ZNF697: variants seen among roughly 807,000 people sequenced by gnomAD.
ZNF697 encodes zinc finger protein 697.
ZNF697 carries 23 observed loss-of-function variants against 32.4 expected under a neutral mutation model. The observed-to-expected ratio is 0.71, with a 90% CI of 0.51 to 1.01. The LOEUF (loss-of-function observed/expected upper bound fraction) is 1.01, where lower values mean the gene tolerates loss of function less well. Among genes scored for constraint, ZNF697 ranks in the 50% least tolerant of loss-of-function variants. ZNF697 has a pLI of 0.00. For missense variants in ZNF697, 930 were observed against 794.0 expected (o/e 1.17, Z -2.06); for synonymous variants, 418 against 337.2 (o/e 1.24, Z -2.62).
At chr1:119,642,299 T>A (rs1020369629) in intron 1 of ZNF697, among the ~76,000 whole-genome samples, 2 of 152,212 alleles carry the variant, frequency 1.3e-5, no homozygotes, top group Non-Finnish European at 2.9e-5. Context: ...TAGATACCCG[T>A]CATTATACAT....
Position 119,648,017 on chromosome 1 carries a change from C to G in ZNF697, c.-364G>C, listed in dbSNP as rs1292449013. On this transcript the variant is annotated 5_prime_UTR_variant, in exon 1 of 3. Transcript: ENST00000421812. Reference sequence around the variant, plus strand: ...TCCCCGCAGCGGTCGGGTCTGGTCCCGATCAGCCCCATCCCCGGGAGGCGG... The same window carrying G: ...TCCCCGCAGCGGTCGGGTCTGGTCCGGATCAGCCCCATCCCCGGGAGGCGG... 6.6e-6 allele frequency among the ~76,000 whole-genome samples: 1 copy of G among 152,196 alleles called. No individual in the cohort carries two copies. Among genetic ancestry groups the G allele is most frequent in the African/African-American group, 2.4e-5 (1 of 41,452 alleles).
At chr1:119,631,443 T>A (rs898021329) in intron 1 of ZNF697, among the ~76,000 whole-genome samples, 4 of 152,162 alleles carry the variant, frequency 2.6e-5, no homozygotes, top group African/African-American at 9.7e-5. Context: ...GGTGTTCCCC[T>A]CCGCTGGCTC....
At chr1:119,628,633 T>C (rs1045651446) in intron 1 of ZNF697, among the ~76,000 whole-genome samples, 3 of 152,172 alleles carry the variant, frequency 2.0e-5, no homozygotes, top group African/African-American at 7.2e-5. Context: ...CCAGATACCA[T>C]TCATGGCACA....
Position 119,623,413 on chromosome 1 carries a change from C to T in ZNF697, c.930G>A (p.Leu310=), listed in dbSNP as rs2101077707. The change falls in exon 3 of 3, where the codon CTG becomes CTA. Residue 310 remains leucine (L), a synonymous_variant. Coordinates refer to ENST00000421812, the MANE Select transcript of ZNF697 (RefSeq NM_001080470.2). ...ACGGGTAGGGCTTCTCGCCCGTGTG[C>T]AGGCGCCGGTGCTTGAGCAGGTCGG... ...WRADLLKHRR[L]HTGEKPYPCP... The T allele has an allele frequency of 2.6e-6, 4 of 1,526,974 alleles. No individual in the cohort carries two copies. The highest frequency in any genetic ancestry group is 1.4e-5 in the African/African-American group (1 of 69,170). The allele number at this position is 1,526,974 out of a possible 1,614,324, so 94.6% of individuals were successfully genotyped here. A position where few individuals can be genotyped will look rare whatever the true frequency, so the allele number is the denominator to read the frequency against.
chr1:119,623,083 G>A lies in ZNF697; in HGVS notation c.1260C>T (p.Val420=). 1 of 1,583,500 alleles carries A rather than the reference G, an allele frequency of 6.3e-7. No homozygotes were observed. Among genetic ancestry groups the A allele is most frequent in the Non-Finnish European group, 8.6e-7 (1 of 1,165,656 alleles). ...GCTTGTGCGTGAAGAGGTGCGAGCT[G>A]ACGCTGAAGGTCTCGCCGCACTCGG... The part of the protein sequence containing the change: ...MCSECGETFS[V]SSHLFTHKRT... The change falls in exon 3 of 3, where the codon GTC becomes GTT. Residue 420 remains valine (V), a synonymous_variant. Transcript: ENST00000421812.
Position 119,622,917 on chromosome 1 carries a change from C to T in ZNF697, c.1426G>A (p.Asp476Asn). ...RCGQCEKRFS[D>N]FSTLTQHQRT... is the part of the protein sequence containing the mutation. ...TGGTGCTGCGTGAGCGTGGAGAAGTCGCTGAAGCGCTTCTCGCACTGGCCA... is the reference window on the plus strand; with the variant it reads ...TGGTGCTGCGTGAGCGTGGAGAAGTTGCTGAAGCGCTTCTCGCACTGGCCA... Residue 476 changes from aspartate (D) to asparagine (N), a missense_variant, in exon 3 of 3, where the codon GAC becomes AAC. By Grantham distance (23) the Asp-to-Asn change is conservative. Coordinates refer to ENST00000421812, the MANE Select transcript of ZNF697 (RefSeq NM_001080470.2). The T allele has an allele frequency of 6.2e-7, 1 of 1,604,134 alleles. No homozygotes were observed. Among genetic ancestry groups the T allele is most frequent in the Non-Finnish European group, 8.5e-7 (1 of 1,176,048 alleles).
chr1:119,640,514 T>C lies in ZNF697; in HGVS notation c.-38+7177A>G, dbSNP rs184601871. 4.6e-5 allele frequency among the ~76,000 whole-genome samples: 7 copies of C among 152,352 alleles called. No homozygotes were observed. In the East Asian group the frequency reaches 1.3e-3, roughly 29 times the overall value. ...TTCTCAAAAAAGAATTCTACATCTC[T>C]TGGCCCAAATGCCAGCATGCTTTGT... is the stretch of plus-strand genomic sequence containing the variant. On this transcript the variant is annotated intron_variant, in intron 1 of 2. Coordinates refer to ENST00000421812, the MANE Select transcript of ZNF697 (RefSeq NM_001080470.2).
chr1:119,622,405 C>A lies in ZNF697; in HGVS notation c.*300G>T, dbSNP rs1033094218. On this transcript the variant is annotated 3_prime_UTR_variant, in exon 3 of 3. Transcript: ENST00000421812. Reference sequence around the variant, plus strand: ...GTTCCCACCCCAGCCCACGAACTGCCCTTCCTCAAAGTGCCTGGTCCTCCA... The same window carrying A: ...GTTCCCACCCCAGCCCACGAACTGCACTTCCTCAAAGTGCCTGGTCCTCCA... 3.0e-4 allele frequency: 78 copies of A among 259,594 alleles called. No homozygotes were observed. The highest frequency in any genetic ancestry group is 1.6e-3 in the Admixed American group (23 of 14,344). The allele number at this position is 259,594 out of a possible 1,614,324, so 16.1% of individuals were successfully genotyped here.
At chr1:119,632,518 G>T (rs1648807672) in intron 1 of ZNF697, among the ~76,000 whole-genome samples, 1 of 152,202 alleles carries the variant, frequency 6.6e-6, no homozygotes. Flanking sequence ...CAAAACCAAG[G>T]CAACAGAGAA....
At chr1:119,641,909 C>G (rs899049304) in intron 1 of ZNF697, among the ~76,000 whole-genome samples, 3 of 152,166 alleles carry the variant, frequency 2.0e-5, no homozygotes, top group Non-Finnish European at 4.4e-5. Flanking sequence ...TATAAATTAC[C>G]TGTTTTGGGT....
rs1486617774 is a variant in ZNF697 at position 119,648,188 on chromosome 1, CGCTGGCTGGCTGGTTGGCTGGCTGGCTG to C, written c.-563_-536del. ...CGGCTGCAGCGGCCGCTGGGTGGCC[CGCTGGCTGGCTGGTTGGCTGGCTGGCTG>C]GCTGGCTGGCTGGCTGGCTCGCTGG... On this transcript the variant is annotated 5_prime_UTR_variant, in exon 1 of 3. Coordinates refer to ENST00000421812, the MANE Select transcript of ZNF697 (RefSeq NM_001080470.2). 8.2e-6 allele frequency among the ~76,000 whole-genome samples: 1 copy of C among 122,366 alleles called. No homozygotes were observed. Among genetic ancestry groups the C allele is most frequent in the East Asian group, 2.3e-4 (1 of 4,420 alleles). 80.3% of individuals were successfully genotyped at this position (122,366 alleles called of 152,430 possible).
At chr1:119,638,545 G>T (rs1648983809) in intron 1 of ZNF697, among the ~76,000 whole-genome samples, 1 of 152,124 alleles carries the variant, frequency 6.6e-6, no homozygotes, top group Non-Finnish European at 1.5e-5. Context: ...ATATTGCACT[G>T]TCCTAGTCCT....
intron 1 of ZNF697, among the ~76,000 whole-genome samples, chr1:119,633,496 G>A (rs773943209): frequency 1.3e-5 from 2 of 152,064 alleles, no homozygotes; most frequent in Non-Finnish European, 2.9e-5. Flanking sequence ...TGACAGGCTG[G>A]AGACCCAAGA....
intron 1 of ZNF697, among the ~76,000 whole-genome samples, chr1:119,628,484 T>A (rs587760439): frequency 2.0e-4 from 31 of 152,312 alleles, no homozygotes; most frequent in African/African-American, 7.2e-4. Context: ...AGGGCTGACG[T>A]ATGAAAAGTT....
At position 119,647,851 on chromosome 1, in the gene ZNF697, G is replaced by A. The variant is rs1649256735; in HGVS notation, c.-198C>T. 6.5e-6 allele frequency: 1 copy of A among 152,790 alleles called. No individual in the cohort carries two copies. The highest frequency in any genetic ancestry group is 1.5e-5 in the Non-Finnish European group (1 of 68,492). 9.5% of individuals were successfully genotyped at this position (152,790 alleles called of 1,614,324 possible). A position where few individuals can be genotyped will look rare whatever the true frequency, so the allele number is the denominator to read the frequency against. Reference sequence around the variant, plus strand: ...CCCGCCCCTCGCCACATACCCCTGAGGGAGCTCAGTCCTGGCTTTGGGGGC... The same window carrying A: ...CCCGCCCCTCGCCACATACCCCTGAAGGAGCTCAGTCCTGGCTTTGGGGGC... On this transcript the variant is annotated 5_prime_UTR_variant, in exon 1 of 3. Coordinates refer to ENST00000421812, the MANE Select transcript of ZNF697 (RefSeq NM_001080470.2).
At chr1:119,628,682 T>C (rs757232736) in intron 1 of ZNF697, among the ~76,000 whole-genome samples, 23 of 152,230 alleles carry the variant, frequency 1.5e-4, no homozygotes, top group African/African-American at 1.9e-4. Context: ...ATTATGTTAG[T>C]GCAAAACTGG....
At position 119,624,132 on chromosome 1, in the gene ZNF697, G is replaced by A; in HGVS notation, c.227-16C>T. ...AGCTGCCCCTCTGCAACAGAAAAAGGTGGCAGTGGGGGATTACTATACTTG... is the reference window on the plus strand; with the variant it reads ...AGCTGCCCCTCTGCAACAGAAAAAGATGGCAGTGGGGGATTACTATACTTG... On this transcript the variant is annotated splice_polypyrimidine_tract_variant and intron_variant, in intron 2 of 2. Transcript: ENST00000421812. 1.3e-6 allele frequency: 2 copies of A among 1,539,948 alleles called. No individual in the cohort carries two copies.
chr1:119,623,582 CGGGCCAGCGGG>C lies in ZNF697; in HGVS notation c.750_760del (p.Pro251AlafsTer180). ...GCGGAAGGGCTTTTCGCGCGGGGGC[CGGGCCAGCGGG>C]GGCCCGGCCCCGAAGCCCCCCGCCA... On this transcript the variant is annotated frameshift_variant, in exon 3 of 3. Coordinates refer to ENST00000421812, the MANE Select transcript of ZNF697 (RefSeq NM_001080470.2). LOFTEE classifies it high-confidence loss of function. 6.9e-7 allele frequency: 1 copy of C among 1,443,396 alleles called. No individual in the cohort carries two copies. Among genetic ancestry groups the C allele is most frequent in the Non-Finnish European group, 9.0e-7 (1 of 1,110,392 alleles). 89.4% of individuals were successfully genotyped at this position (1,443,396 alleles called of 1,614,324 possible). A position where few individuals can be genotyped will look rare whatever the true frequency, so the allele number is the denominator to read the frequency against.
chr1:119,630,865 A>G (rs115086537), intron 1 of ZNF697, among the ~76,000 whole-genome samples: 1 of 152,060 alleles, frequency 6.6e-6, no homozygotes, highest in South Asian at 2.1e-4. Context: ...GCAAGACCCC[A>G]TCTCAAAAAA....
Sources: allele counts gnomAD v4.1 joint callset (sites outside exome capture counted in the v4.1 genomes callset), GRCh38; gene constraint gnomAD v4.1.1; transcripts MANE v1.5; gene names NCBI Gene and HGNC (gene_info 2026-07-23, HGNC 2026-07-21).